Variants in SETBP1 observed in about 807,000 individuals in gnomAD.
SETBP1 encodes SET-binding protein.
In SETBP1, 9 loss-of-function variants were observed where a neutral mutation model predicts 101.0. The ratio of observed to expected loss-of-function variants is 0.09; its 90% CI spans 0.05 to 0.16. SETBP1 has a LOEUF of 0.16. Ranked by LOEUF, SETBP1 falls within the 10% of genes least tolerant of loss-of-function variation. The pLI, the probability that SETBP1 is intolerant of heterozygous loss-of-function variation, is 1.00. For synonymous variants in SETBP1, 818 were observed against 788.5 expected (o/e 1.04, Z -0.63); for missense variants, 1,858 against 2,033.8 (o/e 0.91, Z 1.66).
intron 2 of SETBP1, among the ~76,000 whole-genome samples, chr18:44,774,390 T>G (rs1461669642): frequency 6.6e-6 from 1 of 151,876 alleles, no homozygotes; most frequent in East Asian, 1.9e-4. Context: ...TGTGTGTGTG[T>G]GGGTGTGAGT....
chr18:44,830,186 G>T (rs2072330074), intron 2 of SETBP1, among the ~76,000 whole-genome samples: 2 of 152,274 alleles, frequency 1.3e-5, no homozygotes, highest in African/African-American at 4.8e-5. Context: ...ATCCACAAAA[G>T]GGAGAAGAGG....
chr18:45,013,434 C>CTTTCTTTCTTTCTTTCTTTCT (rs573114558), intron 4 of SETBP1, among the ~76,000 whole-genome samples: 3,596 of 150,312 alleles, frequency 0.024, 142 homozygotes, highest in African/African-American at 0.085. Flanking sequence ...TTCTTTCTTT[C>CTTTCTTTCTTTCTTTCTTTCT]TTTTTTTTTG....
intron 2 of SETBP1, among the ~76,000 whole-genome samples, chr18:44,777,140 A>C: frequency 6.6e-6 from 1 of 151,974 alleles, no homozygotes; most frequent in East Asian, 1.9e-4. Context: ...ACATAGTGAG[A>C]CCCCCGTGTC....
At chr18:44,717,660 C>G (rs1243987328) in intron 2 of SETBP1, among the ~76,000 whole-genome samples, 1 of 152,198 alleles carries the variant, frequency 6.6e-6, no homozygotes, top group Non-Finnish European at 1.5e-5. Flanking sequence ...ATGATGAATG[C>G]ACTAAATTGG....
chr18:44,787,929 A>G (rs1015738032), intron 2 of SETBP1, among the ~76,000 whole-genome samples: 15 of 148,650 alleles, frequency 1.0e-4, no homozygotes, highest in African/African-American at 3.7e-4. Flanking sequence ...AAAAGACTTC[A>G]TGAAACATAA....
intron 3 of SETBP1, among the ~76,000 whole-genome samples, chr18:44,892,447 C>A (rs189543969): frequency 6.6e-6 from 1 of 152,222 alleles, no homozygotes; most frequent in African/African-American, 2.4e-5. Flanking sequence ...ATGTACATGG[C>A]TTAGGCCTTT....
chr18:44,842,799 T>C (rs920705899), intron 2 of SETBP1, among the ~76,000 whole-genome samples: 2 of 152,214 alleles, frequency 1.3e-5, no homozygotes, highest in African/African-American at 2.4e-5. Flanking sequence ...GACACCCTGC[T>C]TACCTGTTGC....
chr18:44,885,841 T>TGAAAAAAAAAAAA (rs2069629383), intron 3 of SETBP1, among the ~76,000 whole-genome samples: 1 of 17,118 alleles, frequency 5.8e-5, no homozygotes, highest in Non-Finnish European at 1.2e-4. Context: ...GCCCATTTCA[T>TGAAAAAAAAAAAA]TAAAAAAAAA....
intron 5 of SETBP1, among the ~76,000 whole-genome samples, chr18:45,041,727 C>T (rs2145507684): frequency 6.6e-6 from 1 of 152,166 alleles, no homozygotes; most frequent in South Asian, 2.1e-4. Context: ...TTTGAGAGGC[C>T]AGGGTGGGTG....
intron 3 of SETBP1, among the ~76,000 whole-genome samples, chr18:44,911,941 CCACACA>C (rs5824564): frequency 6.7e-6 from 1 of 149,932 alleles, no homozygotes; most frequent in African/African-American, 2.5e-5. Flanking sequence ...ATACACACAC[CCACACA>C]CACACACACA....
chr18:44,806,669 A>G (rs2071746426), intron 2 of SETBP1, among the ~76,000 whole-genome samples: 2 of 32,210 alleles, frequency 6.2e-5, no homozygotes, highest in African/African-American at 2.3e-4. Context: ...TTTTTTGGCA[A>G]TGGTGCTTTT....
intron 4 of SETBP1, among the ~76,000 whole-genome samples, chr18:44,958,592 A>G (rs1176972742): frequency 6.6e-6 from 1 of 152,130 alleles, no homozygotes; most frequent in Non-Finnish European, 1.5e-5. Flanking sequence ...TCATCTAATG[A>G]TACATATTTA....
chr18:45,061,734 G>A (rs1261466461), intron 5 of SETBP1, among the ~76,000 whole-genome samples: 1 of 152,200 alleles, frequency 6.6e-6, no homozygotes, highest in Admixed American at 6.5e-5. Flanking sequence ...TGGTATCCAT[G>A]TTTTAAGCGT....
chr18:44,736,541 C>T (rs751837154), intron 2 of SETBP1, among the ~76,000 whole-genome samples: 8 of 152,102 alleles, frequency 5.3e-5, no homozygotes, highest in Non-Finnish European at 8.8e-5. Context: ...TAACATCAAC[C>T]CACTGTGATA....
At chr18:44,681,553 T>G (rs2068760195) in intron 1 of SETBP1, among the ~76,000 whole-genome samples, 1 of 115,314 alleles carries the variant, frequency 8.7e-6, no homozygotes, top group African/African-American at 3.3e-5. Flanking sequence ...CAGCACCTAT[T>G]CCCCCCGCCC....
intron 4 of SETBP1, among the ~76,000 whole-genome samples, chr18:44,966,186 A>G (rs1214142740): frequency 2.6e-5 from 4 of 152,242 alleles, no homozygotes; most frequent in African/African-American, 9.6e-5. Context: ...TTCCTATTGC[A>G]TTAAGTCTAA....
chr18:44,890,263 C>T (rs1049179385), intron 3 of SETBP1, among the ~76,000 whole-genome samples: 3 of 152,090 alleles, frequency 2.0e-5, no homozygotes, highest in Non-Finnish European at 4.4e-5. Flanking sequence ...CTCACCCCAC[C>T]CCCAAGGATG....
At chr18:44,928,254 T>C (rs1173499592) in intron 3 of SETBP1, among the ~76,000 whole-genome samples, 4 of 152,226 alleles carry the variant, frequency 2.6e-5, no homozygotes, top group Non-Finnish European at 5.9e-5. Flanking sequence ...ACAAAGGACA[T>C]GAACTCATTC....
At chr18:44,932,612 A>G (rs2070863211) in intron 3 of SETBP1, among the ~76,000 whole-genome samples, 1 of 152,128 alleles carries the variant, frequency 6.6e-6, no homozygotes, top group South Asian at 2.1e-4. Flanking sequence ...ACATAGTCCC[A>G]TATTTCTTGG....
Sources: gnomAD v4.1 joint callset for allele counts (sites outside exome capture counted in the v4.1 genomes callset) on GRCh38, gnomAD v4.1.1 for gene constraint, MANE v1.5 for transcripts, NCBI Gene and HGNC (gene_info 2026-07-23, HGNC 2026-07-21) for gene names.